The following ARHGAP28 variants were observed in gnomAD, a reference collection of about 807,000 sequenced individuals.
ARHGAP28 encodes rho GTPase-activating protein 28.
A neutral mutation model predicts 90.7 loss-of-function variants in ARHGAP28; 56 were observed. The ratio of observed to expected loss-of-function variants is 0.62; its 90% CI spans 0.50 to 0.77. ARHGAP28 has a LOEUF of 0.77. Ranked by LOEUF, ARHGAP28 falls within the 30% of genes least tolerant of loss-of-function variation. ARHGAP28 has a pLI of 0.00. For missense variants in ARHGAP28, 869 were observed against 900.9 expected, an observed-to-expected ratio of 0.96 and a Z score of 0.45; for synonymous variants, 308 against 323.3, an observed-to-expected ratio of 0.95 and a Z score of 0.51.
intron 1 of ARHGAP28, among the ~76,000 whole-genome samples, chr18:6,730,986 A>C (rs903299300): frequency 3.3e-5 from 5 of 152,206 alleles, no homozygotes; most frequent in Non-Finnish European, 5.9e-5. Flanking sequence ...TATTTCAAGG[A>C]ATATCTTTTT....
intron 11 of ARHGAP28, among the ~76,000 whole-genome samples, chr18:6,884,902 T>G (rs1425000507): frequency 6.6e-6 from 1 of 152,210 alleles, no homozygotes; most frequent in Admixed American, 6.5e-5. Context: ...CTCCAAAATA[T>G]TCAATCCTTG....
intron 1 of ARHGAP28, among the ~76,000 whole-genome samples, chr18:6,769,316 A>G (rs947908183): frequency 1.3e-5 from 2 of 152,190 alleles, no homozygotes; most frequent in Non-Finnish European, 2.9e-5. Context: ...TAAGTCAGGG[A>G]CAACCTGTAC....
chr18:6,818,176 C>T (rs140123110), intron 1 of ARHGAP28, among the ~76,000 whole-genome samples: 1 of 152,262 alleles, frequency 6.6e-6, no homozygotes, highest in East Asian at 1.9e-4. Context: ...TCACAGAGGT[C>T]CAGTAGTTTG....
At chr18:6,838,483 G>T (rs1024773408) in intron 3 of ARHGAP28, among the ~76,000 whole-genome samples, 2 of 152,160 alleles carry the variant, frequency 1.3e-5, no homozygotes, top group Non-Finnish European at 2.9e-5. Flanking sequence ...GTTAACCTTT[G>T]CATTTGTGCT....
intron 2 of ARHGAP28, among the ~76,000 whole-genome samples, chr18:6,828,111 G>A (rs1476422110): frequency 6.6e-6 from 1 of 152,200 alleles, no homozygotes; most frequent in Non-Finnish European, 1.5e-5. Flanking sequence ...CACCTTGGGA[G>A]GCCGAGGCTG....
chr18:6,898,368 T>G, intron 16 of ARHGAP28: 1 of 713,362 alleles, frequency 1.4e-6, no homozygotes, highest in Non-Finnish European at 2.3e-6. Context: ...ACTTCTGACT[T>G]GTACATTTTA....
intron 1 of ARHGAP28, among the ~76,000 whole-genome samples, chr18:6,760,245 C>T (rs376271638): frequency 7.7e-4 from 117 of 152,096 alleles, no homozygotes; most frequent in African/African-American, 2.7e-3. Context: ...TTTCATTTTC[C>T]AAGTAAAAAA....
At chr18:6,909,499 G>T (rs1255593539) in intron 17 of ARHGAP28, among the ~76,000 whole-genome samples, 1 of 151,514 alleles carries the variant, frequency 6.6e-6, no homozygotes, top group Non-Finnish European at 1.5e-5. Flanking sequence ...CACCATGTTG[G>T]CCAGGCTGGT....
Position 6,808,673 on chromosome 18 carries a change from A to T in ARHGAP28, c.123-16089A>T, listed in dbSNP as rs144698182. 4.1e-3 allele frequency among the ~76,000 whole-genome samples: 619 copies of T among 152,274 alleles called. 5 individuals are homozygous for T. Among genetic ancestry groups the T allele is most frequent in the African/African-American group, 0.014 (602 of 41,542 alleles). ...ATGAGACTTCTAAGGTTTCCATTGTATATCTTGTGTATTTGACCATGTCTC... is the reference window on the plus strand; with the variant it reads ...ATGAGACTTCTAAGGTTTCCATTGTTTATCTTGTGTATTTGACCATGTCTC... On this transcript the variant is annotated intron_variant, in intron 1 of 17. Transcript: ENST00000383472.
At chr18:6,759,726 A>G (rs1344056476) in intron 1 of ARHGAP28, among the ~76,000 whole-genome samples, 1 of 152,338 alleles carries the variant, frequency 6.6e-6, no homozygotes, top group East Asian at 1.9e-4. Context: ...TTGAAAAACT[A>G]TGAAAGAATA....
At chr18:6,910,847 G>T in intron 17 of ARHGAP28, among the ~76,000 whole-genome samples, 1 of 7,266 alleles carries the variant, frequency 1.4e-4, no homozygotes. Context: ...TGTTTTGTTT[G>T]CTTTGTTTTT....
chr18:6,752,267 C>T (rs1292512319), intron 1 of ARHGAP28, among the ~76,000 whole-genome samples: 1 of 152,098 alleles, frequency 6.6e-6, no homozygotes, highest in Admixed American at 6.6e-5. Context: ...ACGAATAGGA[C>T]CAATGGAATT....
intron 5 of ARHGAP28, 107 bp downstream of exon 5, chr18:6,860,004 C>A: frequency 3.1e-6 from 3 of 980,988 alleles, no homozygotes; most frequent in South Asian, 1.6e-5. Flanking sequence ...TTAAAAAATA[C>A]TTGAGCTAAG....
intron 1 of ARHGAP28, among the ~76,000 whole-genome samples, chr18:6,817,869 G>A (rs2056602093): frequency 6.6e-6 from 1 of 152,176 alleles, no homozygotes; most frequent in Admixed American, 6.5e-5. Flanking sequence ...CTGGGCCAAG[G>A]GAGTTGGGAC....
chr18:6,890,622 C>A, intron 14 of ARHGAP28, 79 bp downstream of exon 14: 2 of 788,440 alleles, frequency 2.5e-6, no homozygotes, highest in Admixed American at 2.9e-5. Flanking sequence ...AGTAGCTTGT[C>A]ATTTAGAACC....
intron 1 of ARHGAP28, among the ~76,000 whole-genome samples, chr18:6,810,431 C>T (rs2056548173): frequency 6.6e-6 from 1 of 152,074 alleles, no homozygotes; most frequent in Non-Finnish European, 1.5e-5. Context: ...AGTTTCATTG[C>T]AACATCCAGA....
intron 5 of ARHGAP28, among the ~76,000 whole-genome samples, chr18:6,866,601 T>C (rs2143466026): frequency 6.6e-6 from 1 of 152,342 alleles, no homozygotes; most frequent in Non-Finnish European, 1.5e-5. Context: ...TTCTTAACAG[T>C]GGCTTCATTT....
In ARHGAP28 at chr18:6,746,288, A is replaced by G. The variant is rs183936814; in HGVS notation, c.122+16345A>G. On this transcript the variant is annotated intron_variant, in intron 1 of 17. Transcript: ENST00000383472. ...CATAATTTAGACCAGGGGTTGGCAC[A>G]GTTTTTCTGCGAAGGGTCAATATTT... Among the ~76,000 whole-genome samples the G allele has an allele frequency of 2.2e-3, 339 of 152,280 alleles. 3 individuals are homozygous for G. In the Middle Eastern group the frequency reaches 0.027, roughly 12 times the overall value.
intron 1 of ARHGAP28, among the ~76,000 whole-genome samples, chr18:6,815,021 G>A (rs1272775568): frequency 6.6e-6 from 1 of 152,130 alleles, no homozygotes; most frequent in Non-Finnish European, 1.5e-5. Context: ...CAATGATTAG[G>A]TGGCACCAAA....
Sources: gnomAD v4.1 joint callset for allele counts (sites outside exome capture counted in the v4.1 genomes callset) on GRCh38, gnomAD v4.1.1 for gene constraint, MANE v1.5 for transcripts, NCBI Gene and HGNC (gene_info 2026-07-23, HGNC 2026-07-21) for gene names.